The following RADIL variants were observed in gnomAD, a reference collection of about 807,000 sequenced individuals.
The protein encoded by RADIL is Rap associating with DIL domain.
A neutral mutation model predicts 97.6 loss-of-function variants in RADIL; 99 were observed. The ratio of observed to expected loss-of-function variants is 1.01; its 90% confidence interval spans 0.86 to 1.20. RADIL has a LOEUF of 1.20. Among genes scored for constraint, RADIL ranks in the 50% most tolerant of loss-of-function variants. The pLI is 0.00. For missense variants in RADIL, 1,765 were observed against 1,498.9 expected, an observed-to-expected ratio of 1.18 and a Z score of -2.93; for synonymous variants, 803 against 691.8, an observed-to-expected ratio of 1.16 and a Z score of -2.52.
chr7:4,805,302 G>A, intron 10 of RADIL: 1 of 419,626 alleles, frequency 2.4e-6, no homozygotes. Flanking sequence ...GGGAACGAGG[G>A]GGCCTTGGAC....
At chr7:4,850,890 G>A (rs890333389) in intron 2 of RADIL, among the ~76,000 whole-genome samples, 15 of 152,296 alleles carry the variant, frequency 9.8e-5, no homozygotes, top group African/African-American at 3.6e-4. Flanking sequence ...AGCTGCACTT[G>A]TAGTTGCAAG....
At position 4,822,403 on chromosome 7, in the gene RADIL, C is replaced by A; in HGVS notation, c.1606G>T (p.Asp536Tyr). The A allele has an allele frequency of 6.2e-7, 1 of 1,610,944 alleles. No individual in the cohort carries two copies. The highest frequency in any genetic ancestry group is 2.2e-5 in the East Asian group (1 of 44,804). Residue 536 changes from aspartate (D) to tyrosine (Y), a missense_variant, in exon 6 of 15, where the codon GAC (aspartate) becomes TAC (tyrosine). Transcript: ENST00000399583. The surrounding 1 kb of genome is among the most constrained non-coding windows in gnomAD (Gnocchi z 5.3). Reference sequence around the variant, plus strand: ...GCAGCGCCAGCCGTACCTGTGATGTCCAGCTGCTCCTCCATGCTCTGCATG... The same window carrying A: ...GCAGCGCCAGCCGTACCTGTGATGTACAGCTGCTCCTCCATGCTCTGCATG... ...LYMQSMEEQL[D>Y]ITGSKESLFS...
intron 12 of RADIL, among the ~76,000 whole-genome samples, chr7:4,801,279 T>G (rs948464777): frequency 2.0e-5 from 3 of 152,192 alleles, no homozygotes; most frequent in Non-Finnish European, 4.4e-5. Context: ...GGCCCTGCCC[T>G]GGAGGACTCC....
At chr7:4,864,572 C>A (rs1227436375) in intron 2 of RADIL, among the ~76,000 whole-genome samples, 1 of 152,208 alleles carries the variant, frequency 6.6e-6, no homozygotes, top group Non-Finnish European at 1.5e-5. Context: ...CTCATCCTCC[C>A]ACAGTTTGCT....
rs374993806 is a variant in RADIL at position 4,861,279 on chromosome 7, T to C, written c.535+16326A>G. The C allele has an allele frequency of 1.4e-5, 22 of 1,614,156 alleles. No homozygotes were observed. The East Asian group carries it at 4.0e-4, about 29-fold the overall frequency. On this transcript the variant is annotated intron_variant, in intron 2 of 14. Transcript: ENST00000399583. ...CTTAAGTCCAAATCTTCTGGAATAG[T>C]CTGTAGTGCTAATCTTGCAAATAAA... is the stretch of plus-strand genomic sequence containing the variant.
chr7:4,832,071 C>A (rs909311213), intron 5 of RADIL, 70 bp downstream of exon 5: 13 of 1,550,822 alleles, frequency 8.4e-6, no homozygotes, highest in Middle Eastern at 3.8e-4. Flanking sequence ...CGGGACTTGG[C>A]TCCCCCGGGA....
chr7:4,843,476 C>A (rs1783496284), intron 2 of RADIL, among the ~76,000 whole-genome samples: 1 of 152,158 alleles, frequency 6.6e-6, no homozygotes, highest in Non-Finnish European at 1.5e-5. Flanking sequence ...AGCCGTAGGA[C>A]CATCAAGCAG....
At chr7:4,802,705 T>C (rs1207376870) in intron 11 of RADIL, among the ~76,000 whole-genome samples, 167 of 32,746 alleles carry the variant, frequency 5.1e-3, no homozygotes, top group Admixed American at 9.5e-3. Context: ...GCTGGCTGGG[T>C]CCCCTCCCCA....
At chr7:4,862,724 C>G (rs1001933311) in intron 2 of RADIL, among the ~76,000 whole-genome samples, 3 of 151,864 alleles carry the variant, frequency 2.0e-5, no homozygotes, top group Non-Finnish European at 4.4e-5. Flanking sequence ...ATGGAGAAAC[C>G]CCGTCACTAC....
At chr7:4,853,742 C>CAAAAAAAA (rs34610093) in intron 2 of RADIL, among the ~76,000 whole-genome samples, 52 of 101,024 alleles carry the variant, frequency 5.1e-4, no homozygotes, top group African/African-American at 1.8e-3. Context: ...AACTCTGTCT[C>CAAAAAAAA]AAAAAAAAAA....
chr7:4,801,611 G>A, intron 12 of RADIL, 42 bp downstream of exon 12: 2 of 1,545,382 alleles, frequency 1.3e-6, no homozygotes, highest in South Asian at 1.2e-5. Flanking sequence ...TGCTGTGCGG[G>A]GTCTGGGGTG....
rs188914146 is a variant in RADIL at position 4,824,763 on chromosome 7, C to G, written c.1455-2209G>C. 6.6e-6 allele frequency among the ~76,000 whole-genome samples: 1 copy of G among 152,220 alleles called. No individual in the cohort carries two copies. The highest frequency in any genetic ancestry group is 2.1e-4 in the South Asian group (1 of 4,838). On this transcript the variant is annotated intron_variant, in intron 5 of 14. Transcript: ENST00000399583. The surrounding 1 kb of genome is among the most constrained non-coding windows in gnomAD (Gnocchi z 6.7). ...ATTCTGGACACTGGCTTGAAGGACA[C>G]GCATGTCTGCAGATGGGCAGAAGGA...
In RADIL at chr7:4,878,207, G is replaced by T. The variant is rs530488511; in HGVS notation, c.-64-4C>A. The T allele has an allele frequency of 1.4e-6, 2 of 1,429,466 alleles. No homozygotes were observed. Among genetic ancestry groups the T allele is most frequent in the South Asian group, 1.4e-5 (1 of 69,646 alleles). The allele number at this position is 1,429,466 out of a possible 1,614,324, so 88.5% of individuals were successfully genotyped here. A position where few individuals can be genotyped will look rare whatever the true frequency, so the allele number is the denominator to read the frequency against. On this transcript the variant is annotated splice_polypyrimidine_tract_variant and splice_region_variant and intron_variant, in intron 1 of 14. Transcript: ENST00000399583. The surrounding 1 kb of genome is among the most constrained non-coding windows in gnomAD (Gnocchi z 4.1). ...AAGGATGTGGGGAGGCCGTGACCTGGGTGAAAAAGTGAGAGAGGTTAGCGC... is the reference window on the plus strand; with the variant it reads ...AAGGATGTGGGGAGGCCGTGACCTGTGTGAAAAAGTGAGAGAGGTTAGCGC...
At chr7:4,806,136 A>C in intron 9 of RADIL, 2 of 849,372 alleles carry the variant, frequency 2.4e-6, no homozygotes, top group Non-Finnish European at 2.8e-6. Flanking sequence ...GACAGGAGGC[A>C]GGGAAAACAT....
chr7:4,839,243 C>A (rs1160654433), intron 2 of RADIL, among the ~76,000 whole-genome samples: 1 of 152,150 alleles, frequency 6.6e-6, no homozygotes, highest in East Asian at 1.9e-4. Context: ...TTTTTTACCC[C>A]AAAGTCATTC....
At chr7:4,858,445 C>G (rs1394730233) in intron 2 of RADIL, 1 of 152,424 alleles carries the variant, frequency 6.6e-6, no homozygotes, top group Non-Finnish European at 1.5e-5. Flanking sequence ...TATTGCTGAT[C>G]TTTTGTAGAC....
At chr7:4,851,387 G>A (rs545959536) in intron 2 of RADIL, among the ~76,000 whole-genome samples, 1 of 152,268 alleles carries the variant, frequency 6.6e-6, no homozygotes, top group South Asian at 2.1e-4. Flanking sequence ...ACTAGGAAAT[G>A]TGCACAGTAA....
At chr7:4,806,613 C>T (rs949642890) in intron 9 of RADIL, among the ~76,000 whole-genome samples, 2 of 152,228 alleles carry the variant, frequency 1.3e-5, no homozygotes, top group African/African-American at 2.4e-5. Flanking sequence ...TTCCTTTCCC[C>T]GGCTCCCAGC....
At position 4,815,257 on chromosome 7, in the gene RADIL, G is replaced by A. The variant is rs770499678; in HGVS notation, c.2139+21C>T. On this transcript the variant is annotated intron_variant, in intron 9 of 14. Transcript: ENST00000399583. The surrounding 1 kb of genome is among the most constrained non-coding windows in gnomAD (Gnocchi z 8.0). Reference sequence around the variant, plus strand: ...GGCCCCGCCCCTCCCCACACTCGCCGCCTCCCATGCGCACCCCTACCTGGA... The same window carrying A: ...GGCCCCGCCCCTCCCCACACTCGCCACCTCCCATGCGCACCCCTACCTGGA... The A allele has an allele frequency of 1.6e-5, 24 of 1,516,908 alleles. No homozygotes were observed. The highest frequency in any genetic ancestry group is 1.1e-4 in the African/African-American group (8 of 72,042). 94.0% of individuals were successfully genotyped at this position (1,516,908 alleles called of 1,614,324 possible). A position where few individuals can be genotyped will look rare whatever the true frequency, so the allele number is the denominator to read the frequency against.
Sources: allele counts gnomAD v4.1 joint callset (sites outside exome capture counted in the v4.1 genomes callset), GRCh38; gene constraint gnomAD v4.1.1; non-coding constraint Gnocchi (gnomAD v3.1); transcripts MANE v1.5; gene names NCBI Gene and HGNC (gene_info 2026-07-23, HGNC 2026-07-21).